PCDH15: variants seen among roughly 807,000 people sequenced by gnomAD.
PCDH15 encodes the protein protocadherin-15.
Under a neutral mutation model 178.5 loss-of-function variants are expected in PCDH15, and 129 were observed. That is an observed-to-expected ratio of 0.72 (90% CI 0.63 to 0.84). PCDH15 has a LOEUF of 0.84. Ranked by LOEUF, PCDH15 falls within the 40% of genes least tolerant of loss-of-function variation. PCDH15 has a pLI of 0.00. For missense variants in PCDH15, 2,230 were observed against 2,099.9 expected (o/e 1.06, Z -1.21); for synonymous variants, 800 against 732.0 (o/e 1.09, Z -1.50).
At chr10:55,225,036 A>T (rs1840988016) in intron 1 of PCDH15, among the ~76,000 whole-genome samples, 1 of 152,070 alleles carries the variant, frequency 6.6e-6, no homozygotes, top group Non-Finnish European at 1.5e-5. Context: ...TCCTTATTAA[A>T]ACAATCTTGT....
intron 2 of PCDH15, among the ~76,000 whole-genome samples, chr10:55,529,354 G>C (rs919347749): frequency 6.6e-6 from 1 of 151,748 alleles, no homozygotes; most frequent in Non-Finnish European, 1.5e-5. Flanking sequence ...GGTTTTTATG[G>C]GTTTAGGTCT....
upstream of PCDH15, among the ~76,000 whole-genome samples, chr10:55,320,650 C>A (rs1010209188): frequency 4.6e-5 from 7 of 152,108 alleles, no homozygotes; most frequent in Admixed American, 2.6e-4. Context: ...GCCACCCCCC[C>A]CAGAATTAGA....
At chr10:54,792,804 C>A (rs991018710) in intron 1 of PCDH15, among the ~76,000 whole-genome samples, 6 of 151,782 alleles carry the variant, frequency 4.0e-5, no homozygotes, top group African/African-American at 1.5e-4. Flanking sequence ...ATCTAATTTC[C>A]TATTCATTCT....
intron 1 of PCDH15, among the ~76,000 whole-genome samples, chr10:54,726,419 GGTGTGTGTGTGTGT>G (rs72051103): frequency 4.1e-4 from 8 of 19,462 alleles, no homozygotes; most frequent in Admixed American, 9.8e-4. Flanking sequence ...ACCCATCAGG[GGTGTGTGTGTGTGT>G]GTGTGTGTGT....
intron 1 of PCDH15, among the ~76,000 whole-genome samples, chr10:55,174,903 T>C (rs1839434387): frequency 1.3e-5 from 2 of 152,192 alleles, no homozygotes; most frequent in African/African-American, 4.8e-5. Flanking sequence ...TGTTAAGTTT[T>C]CAGACTACCC....
At chr10:53,903,918 C>T (rs1187351852) in intron 25 of PCDH15, among the ~76,000 whole-genome samples, 1 of 152,018 alleles carries the variant, frequency 6.6e-6, no homozygotes, top group Non-Finnish European at 1.5e-5. Context: ...TTTATCATGC[C>T]TTGGAAACTG....
intron 2 of PCDH15, among the ~76,000 whole-genome samples, chr10:55,498,528 C>A (rs1840585470): frequency 6.6e-6 from 1 of 151,850 alleles, no homozygotes; most frequent in African/African-American, 2.4e-5. Flanking sequence ...CTGATATCTC[C>A]TGAAGTGACA....
In PCDH15 at chr10:53,999,289, T is replaced by C. The variant is rs1159476560; in HGVS notation, c.2752-3524A>G. Among the ~76,000 whole-genome samples, 4 of 152,116 alleles carry C rather than the reference T, an allele frequency of 2.6e-5. No individual in the cohort carries two copies. The South Asian group carries it at 8.3e-4, about 31-fold the overall frequency. On this transcript the variant is annotated intron_variant, in intron 20 of 37. Transcript: ENST00000644397. ...TACTTTTACGTGGGTGTATGGTTGA[T>C]TGTTTGCCTCTTACCAGTTCTGTTT...
intron 2 of PCDH15, among the ~76,000 whole-genome samples, chr10:55,095,159 C>G (rs1842419652): frequency 6.6e-6 from 1 of 151,856 alleles, no homozygotes; most frequent in Non-Finnish European, 1.5e-5. Context: ...TCAGGCTGCT[C>G]TCAAACTCCT....
At chr10:55,206,570 A>G (rs1222360832) in intron 1 of PCDH15, among the ~76,000 whole-genome samples, 1 of 152,122 alleles carries the variant, frequency 6.6e-6, no homozygotes, top group Non-Finnish European at 1.5e-5. Context: ...AGGTCAGACT[A>G]TGTGAACTAT....
intron 37 of PCDH15, chr10:53,808,849 C>T (rs1452111665): frequency 1.2e-6 from 2 of 1,609,226 alleles, no homozygotes; most frequent in Non-Finnish European, 1.7e-6. Flanking sequence ...TTCCTCCTCA[C>T]TTTCCACACC....
At chr10:54,093,343 G>A (rs2094634735) in intron 15 of PCDH15, among the ~76,000 whole-genome samples, 1 of 152,064 alleles carries the variant, frequency 6.6e-6, no homozygotes, top group South Asian at 2.1e-4. Flanking sequence ...AGGGTCGAGG[G>A]TGGTATAATA....
At chr10:55,158,468 A>C (rs1313149577) in intron 2 of PCDH15, among the ~76,000 whole-genome samples, 5 of 152,052 alleles carry the variant, frequency 3.3e-5, no homozygotes, top group Non-Finnish European at 7.4e-5. Flanking sequence ...TTAATGACCC[A>C]AAAGTTATTT....
At chr10:54,918,684 C>T (rs961578907) in intron 2 of PCDH15, among the ~76,000 whole-genome samples, 3 of 151,930 alleles carry the variant, frequency 2.0e-5, no homozygotes, top group Admixed American at 2.0e-4. Context: ...CCTTATATCC[C>T]AATATTACTC....
chr10:53,867,076 A>G (rs2079515808), intron 26 of PCDH15, among the ~76,000 whole-genome samples: 2 of 152,198 alleles, frequency 1.3e-5, no homozygotes, highest in South Asian at 2.1e-4. Context: ...TAACTGCTGA[A>G]GTATGAATAA....
intron 3 of PCDH15, among the ~76,000 whole-genome samples, chr10:54,436,218 T>C (rs2075410642): frequency 6.6e-6 from 1 of 151,194 alleles, no homozygotes; most frequent in Non-Finnish European, 1.5e-5. Context: ...GTCATAAAAG[T>C]GAATTAGAAT....
chr10:54,776,556 C>G (rs998491848), intron 1 of PCDH15, among the ~76,000 whole-genome samples: 1 of 152,010 alleles, frequency 6.6e-6, no homozygotes, highest in African/African-American at 2.4e-5. Context: ...TGTCTTCATG[C>G]TGGTGGTAGA....
intron 7 of PCDH15, 96 bp from the exon 8 acceptor site, chr10:54,317,537 G>A: frequency 1.4e-6 from 2 of 1,384,300 alleles, no homozygotes; most frequent in South Asian, 2.3e-5. Context: ...AACTTTGGGA[G>A]GCCAAGGTGG....
intron 3 of PCDH15, among the ~76,000 whole-genome samples, chr10:54,448,073 T>A (rs1380984533): frequency 6.6e-6 from 1 of 151,694 alleles, no homozygotes; most frequent in African/African-American, 2.4e-5. Flanking sequence ...CTCTAATATA[T>A]ACAGAACTTC....
Sources: gnomAD v4.1 joint callset for allele counts (sites outside exome capture counted in the v4.1 genomes callset) on GRCh38, gnomAD v4.1.1 for gene constraint, MANE v1.5 for transcripts, NCBI Gene and HGNC (gene_info 2026-07-23, HGNC 2026-07-21) for gene names.